Variants in TFEC observed in about 807,000 individuals in gnomAD.
TFEC encodes the protein transcription factor EC, also known as class E basic helix-loop-helix protein 34.
In TFEC, 31 loss-of-function variants were observed where a neutral mutation model predicts 41.6. The ratio of observed to expected loss-of-function variants is 0.74; its 90% CI spans 0.56 to 1.01. The LOEUF is 1.01. Among genes scored for constraint, TFEC ranks in the 50% least tolerant of loss-of-function variants. The probability of loss-of-function intolerance (pLI) is 0.00; values close to 1 mark genes in which losing one functional copy is unlikely to be tolerated. For synonymous variants in TFEC, 143 were observed against 140.6 expected (o/e 1.02, Z -0.12); for missense variants, 402 against 404.1 (o/e 0.99, Z 0.04).
At chr7:115,956,232 A>G (rs1240020772) in intron 4 of TFEC, among the ~76,000 whole-genome samples, 1 of 151,976 alleles carries the variant, frequency 6.6e-6, no homozygotes, top group Non-Finnish European at 1.5e-5. Context: ...TGAAATCCAT[A>G]AAACAAGCTA....
At chr7:116,117,645 C>T (rs1393672660) in intron 1 of TFEC, 2 of 151,740 alleles carry the variant, frequency 1.3e-5, no homozygotes, top group African/African-American at 2.4e-5. Context: ...TAACCCTTTC[C>T]CTAACAAAGA....
At chr7:116,154,700 T>C (rs924551236) in intron 1 of TFEC, among the ~76,000 whole-genome samples, 89 of 152,232 alleles carry the variant, frequency 5.8e-4, no homozygotes, top group African/African-American at 2.1e-3. Flanking sequence ...TCCCAGGTTC[T>C]GTTTTATTAT....
intron 1 of TFEC, among the ~76,000 whole-genome samples, chr7:116,119,548 T>C (rs1339450064): frequency 1.3e-5 from 2 of 151,774 alleles, no homozygotes; most frequent in Non-Finnish European, 2.9e-5. Flanking sequence ...AACACTGAAT[T>C]ATACACTTTA....
intron 5 of TFEC, among the ~76,000 whole-genome samples, chr7:115,951,415 C>T (rs1217450282): frequency 6.6e-6 from 1 of 152,040 alleles, no homozygotes; most frequent in Non-Finnish European, 1.5e-5. Flanking sequence ...TCTATGACCT[C>T]CTTGAGGGCA....
chr7:115,967,050 T>C (rs892791531), intron 3 of TFEC, among the ~76,000 whole-genome samples: 2 of 151,786 alleles, frequency 1.3e-5, no homozygotes, highest in Non-Finnish European at 2.9e-5. Context: ...GGATTATATA[T>C]GTAAAGCTAA....
intron 1 of TFEC, among the ~76,000 whole-genome samples, chr7:116,129,754 G>T (rs1312964328): frequency 6.6e-6 from 1 of 151,636 alleles, no homozygotes; most frequent in Non-Finnish European, 1.5e-5. Flanking sequence ...GACCAACCTG[G>T]CCAACATGGT....
chr7:115,975,869 T>C (rs1793355474), intron 2 of TFEC, among the ~76,000 whole-genome samples: 1 of 152,070 alleles, frequency 6.6e-6, no homozygotes, highest in Non-Finnish European at 1.5e-5. Context: ...TGAGCACTAA[T>C]GGGAATAGAG....
At chr7:116,049,865 G>A (rs1796265649) in intron 3 of TFEC, among the ~76,000 whole-genome samples, 1 of 152,124 alleles carries the variant, frequency 6.6e-6, no homozygotes, top group African/African-American at 2.4e-5. Context: ...TGAACAACCT[G>A]CTCCTGAATG....
chr7:116,107,685 C>G (rs1797752680), intron 3 of TFEC, among the ~76,000 whole-genome samples: 1 of 152,144 alleles, frequency 6.6e-6, no homozygotes, highest in South Asian at 2.1e-4. Context: ...CTGGGTTACT[C>G]TTACCGGGAA....
intron 1 of TFEC, among the ~76,000 whole-genome samples, chr7:116,018,135 T>C (rs1293444837): frequency 6.6e-6 from 1 of 152,224 alleles, no homozygotes; most frequent in African/African-American, 2.4e-5. Context: ...TGTATTAATC[T>C]TTTAATCTCC....
At position 115,992,977 on chromosome 7, in the gene TFEC, C is replaced by T. The variant is rs564202319; in HGVS notation, c.-72-8464G>A. Among the ~76,000 whole-genome samples, 3 of 152,324 alleles carry T rather than the reference C, an allele frequency of 2.0e-5. No individual in the cohort carries two copies. In the South Asian group the frequency reaches 6.2e-4, roughly 32 times the overall value. Reference sequence around the variant, plus strand: ...TCAGTAAAATACTGGCAAACCGAATCCAGCAGCACATTAAAAAGCTTATCC... The same window carrying T: ...TCAGTAAAATACTGGCAAACCGAATTCAGCAGCACATTAAAAAGCTTATCC... On this transcript the variant is annotated intron_variant, in intron 1 of 7. Transcript: ENST00000265440.
intron 2 of TFEC, among the ~76,000 whole-genome samples, chr7:115,978,508 C>T (rs970460429): frequency 8.5e-5 from 13 of 152,094 alleles, no homozygotes; most frequent in African/African-American, 3.1e-4. Flanking sequence ...TGGCAGATCA[C>T]CTGAACAATT....
At chr7:115,953,179 G>A (rs1352706311) in intron 5 of TFEC, among the ~76,000 whole-genome samples, 3 of 151,980 alleles carry the variant, frequency 2.0e-5, no homozygotes, top group Non-Finnish European at 4.4e-5. Context: ...AAGAACAGTG[G>A]GGGGCTGCAA....
At chr7:116,142,202 G>T (rs1436786444) in intron 1 of TFEC, among the ~76,000 whole-genome samples, 1 of 152,232 alleles carries the variant, frequency 6.6e-6, no homozygotes, top group East Asian at 1.9e-4. Context: ...GGCCCAAGGG[G>T]TTCTCCATTT....
intron 3 of TFEC, among the ~76,000 whole-genome samples, chr7:116,065,509 T>G (rs1368582261): frequency 2.0e-5 from 3 of 151,984 alleles, no homozygotes; most frequent in Non-Finnish European, 4.4e-5. Context: ...AGGAAAGAGG[T>G]GATTTCTGGT....
intron 1 of TFEC, among the ~76,000 whole-genome samples, chr7:115,995,672 TGA>T (rs1338339211): frequency 6.6e-6 from 1 of 152,170 alleles, no homozygotes; most frequent in Non-Finnish European, 1.5e-5. Flanking sequence ...TTCATATCAC[TGA>T]GAGAGACACT....
chr7:115,961,904 A>G (rs1464842688), intron 3 of TFEC, among the ~76,000 whole-genome samples: 1 of 151,570 alleles, frequency 6.6e-6, no homozygotes, highest in Non-Finnish European at 1.5e-5. Context: ...ATCTCATATT[A>G]AGAAAACCCT....
chr7:115,977,110 C>G (rs1459629147), intron 2 of TFEC, among the ~76,000 whole-genome samples: 1 of 152,060 alleles, frequency 6.6e-6, no homozygotes, highest in Non-Finnish European at 1.5e-5. Flanking sequence ...ACCTTCACAA[C>G]TTCTAAGTAT....
At chr7:116,040,891 T>A (rs762545977) in intron 3 of TFEC, among the ~76,000 whole-genome samples, 1 of 152,204 alleles carries the variant, frequency 6.6e-6, no homozygotes, top group Admixed American at 6.6e-5. Flanking sequence ...TTCGCTTTTA[T>A]TTTGACAGAG....
Sources: allele counts gnomAD v4.1 joint callset (sites outside exome capture counted in the v4.1 genomes callset), GRCh38; gene constraint gnomAD v4.1.1; transcripts MANE v1.5; gene names NCBI Gene and HGNC (gene_info 2026-07-23, HGNC 2026-07-21).